DTX1: variants seen among roughly 807,000 people sequenced by gnomAD.
DTX1 encodes deltex E3 ubiquitin ligase 1, also known as E3 ubiquitin-protein ligase DTX1.
In DTX1, 26 loss-of-function variants were observed where a neutral mutation model predicts 57.8. The ratio of observed to expected loss-of-function variants is 0.45; its 90% CI spans 0.33 to 0.62. The LOEUF (loss-of-function observed/expected upper bound fraction) is 0.62, where lower values mean the gene tolerates loss of function less well. Ranked by LOEUF, DTX1 falls within the 20% of genes least tolerant of loss-of-function variation. The pLI, the probability that DTX1 is intolerant of heterozygous loss-of-function variation, is 0.02. For synonymous variants in DTX1, 398 were observed against 394.1 expected (o/e 1.01, Z -0.12); for missense variants, 704 against 895.3 (o/e 0.79, Z 2.73).
intron 3 of DTX1, among the ~76,000 whole-genome samples, chr12:113,079,179 G>A (rs1566017443): frequency 6.6e-6 from 1 of 152,094 alleles, no homozygotes; most frequent in Non-Finnish European, 1.5e-5. Flanking sequence ...GCAATGAGAG[G>A]AAAGATCAAA....
rs1592857068 is a variant in DTX1, at chr12:113,094,998, T to C, written c.1387-44T>C. Reference sequence around the variant, plus strand: ...GGAGTGGGCAGGGAACGGAGTGGGGTTTGGGGGGGTGCTGGGAACTCACTG... The same window carrying C: ...GGAGTGGGCAGGGAACGGAGTGGGGCTTGGGGGGGTGCTGGGAACTCACTG... On this transcript the variant is annotated intron_variant, in intron 7 of 9. Coordinates refer to ENST00000548759, the MANE Select transcript of DTX1 (RefSeq NM_004416.3). The C allele has an allele frequency of 5.0e-6, 8 of 1,604,098 alleles. No individual in the cohort carries two copies. The East Asian group carries it at 1.1e-4, about 22-fold the overall frequency.
chr12:113,057,961 G>C lies in DTX1; in HGVS notation c.-232G>C. 1.6e-6 allele frequency: 1 copy of C among 639,194 alleles called. No individual in the cohort carries two copies. Among genetic ancestry groups the C allele is most frequent in the Non-Finnish European group, 2.6e-6 (1 of 384,196 alleles). The allele number at this position is 639,194 out of a possible 1,614,324, so 39.6% of individuals were successfully genotyped here. A position where few individuals can be genotyped will look rare whatever the true frequency, so the allele number is the denominator to read the frequency against. ...AGAGAGACACTTGCTTTCCAGGGCA[G>C]CACCCTTTATCGGAGAAGGCTCTAC... On this transcript the variant is annotated 5_prime_UTR_variant, in exon 2 of 10. Transcript: ENST00000548759.
Position 113,097,101 on chromosome 12 carries a change from A to C in DTX1, c.*162A>C. ...GCCTGGTGGCAGCTGGGATGAAGAG[A>C]GATGGCATGTCAGGCTGGCCCCGAA... On this transcript the variant is annotated 3_prime_UTR_variant, in exon 10 of 10. Coordinates refer to ENST00000548759, the MANE Select transcript of DTX1 (RefSeq NM_004416.3). The C allele has an allele frequency of 1.3e-6, 1 of 753,142 alleles. No individual in the cohort carries two copies. Among genetic ancestry groups the C allele is most frequent in the Non-Finnish European group, 2.1e-6 (1 of 478,386 alleles). 46.7% of individuals were successfully genotyped at this position (753,142 alleles called of 1,614,324 possible).
intron 3 of DTX1, among the ~76,000 whole-genome samples, chr12:113,079,076 G>A (rs2044796211): frequency 6.6e-6 from 1 of 152,084 alleles, no homozygotes; most frequent in African/African-American, 2.4e-5. Flanking sequence ...GGTGTCCCAG[G>A]CCCCAGGATA....
chr12:113,095,530 A>C (rs1402844137), intron 9 of DTX1, 116 bp downstream of exon 9: 4 of 1,339,460 alleles, frequency 3.0e-6, no homozygotes, highest in East Asian at 2.4e-5. Flanking sequence ...TTCCTCCCAA[A>C]AGCAGCACCC....
intron 2 of DTX1, among the ~76,000 whole-genome samples, chr12:113,076,777 G>A (rs1415408298): frequency 1.3e-5 from 2 of 152,202 alleles, no homozygotes; most frequent in African/African-American, 4.8e-5. Flanking sequence ...AAATGAAATA[G>A]TGCTTAAATT....
chr12:113,079,610 T>G (rs1245767773), intron 3 of DTX1, among the ~76,000 whole-genome samples: 2 of 142,782 alleles, frequency 1.4e-5, no homozygotes, highest in East Asian at 4.5e-4. Context: ...TGACTGCAAC[T>G]TCTGCCTCCA....
chr12:113,076,110 C>T (rs1250589733), intron 2 of DTX1, among the ~76,000 whole-genome samples: 1 of 151,882 alleles, frequency 6.6e-6, no homozygotes, highest in Admixed American at 6.6e-5. Flanking sequence ...TGTCTGAATG[C>T]CTGAATACGG....
chr12:113,093,435 C>CA lies in DTX1; in HGVS notation c.1004-102dup. ...GCTGAGTGGGTGGGGCCCAAGAGCG[C>CA]AACCCTCCCACCCACCCGAGGGCCC... On this transcript the variant is annotated intron_variant, in intron 4 of 9. Transcript: ENST00000548759. This position sits in a 1 kb window ranked among gnomAD's most constrained non-coding sequence, Gnocchi z 4.2. 12 of 990,648 alleles carry CA rather than the reference C, an allele frequency of 1.2e-5. No homozygotes were observed. The highest frequency in any genetic ancestry group is 1.3e-5 in the Non-Finnish European group (9 of 687,198). The allele number at this position is 990,648 out of a possible 1,614,324, so 61.4% of individuals were successfully genotyped here.
chr12:113,065,388 G>A (rs1359330016), intron 2 of DTX1, among the ~76,000 whole-genome samples: 1 of 152,156 alleles, frequency 6.6e-6, no homozygotes, highest in Non-Finnish European at 1.5e-5. Context: ...GCCCTTCCCA[G>A]GCTCGCCCGG....
At position 113,093,436 on chromosome 12, in the gene DTX1, A is replaced by AC; in HGVS notation, c.1004-103_1004-102insC. The AC allele has an allele frequency of 9.1e-6, 8 of 876,260 alleles. No individual in the cohort carries two copies. The highest frequency in any genetic ancestry group is 1.4e-5 in the Non-Finnish European group (8 of 586,210). The allele number at this position is 876,260 out of a possible 1,614,324, so 54.3% of individuals were successfully genotyped here. On this transcript the variant is annotated intron_variant, in intron 4 of 9. Coordinates refer to ENST00000548759, the MANE Select transcript of DTX1 (RefSeq NM_004416.3). The surrounding 1 kb of genome is among the most constrained non-coding windows in gnomAD (Gnocchi z 4.2). ...CTGAGTGGGTGGGGCCCAAGAGCGC[A>AC]ACCCTCCCACCCACCCGAGGGCCCC...
At chr12:113,060,212 A>G (rs141866541) in intron 2 of DTX1, among the ~76,000 whole-genome samples, 183 of 152,296 alleles carry the variant, frequency 1.2e-3, no homozygotes, top group African/African-American at 4.1e-3. Context: ...CATGCATTCC[A>G]TCATATGATT....
At chr12:113,092,432 A>T (rs979083239) in intron 3 of DTX1, among the ~76,000 whole-genome samples, 1 of 152,016 alleles carries the variant, frequency 6.6e-6, no homozygotes, top group Non-Finnish European at 1.5e-5. Flanking sequence ...TTGAACTGAG[A>T]TATGAAAGCA....
intron 2 of DTX1, among the ~76,000 whole-genome samples, chr12:113,061,233 T>A (rs1228345569): frequency 2.0e-5 from 3 of 152,078 alleles, no homozygotes; most frequent in African/African-American, 7.2e-5. Flanking sequence ...CATTCCTAAA[T>A]GGACTCCTGG....
chr12:113,096,759 C>T lies in DTX1; in HGVS notation c.1683C>T (p.Phe561=). 6.2e-7 allele frequency: 1 copy of T among 1,613,748 alleles called. No homozygotes were observed. The highest frequency in any genetic ancestry group is 8.5e-7 in the Non-Finnish European group (1 of 1,180,010). ...CGGCCTGGGAGAGAAGACTCATCTT[C>T]ACTATCGGCACGTCCAACACCACGG... ...LITAWERRLI[F]TIGTSNTTGE... Residue 561 remains phenylalanine (F), a synonymous_variant, in exon 10 of 10, where the codon TTC becomes TTT. Coordinates refer to ENST00000548759, the MANE Select transcript of DTX1 (RefSeq NM_004416.3).
chr12:113,064,004 T>C (rs1261053851), intron 2 of DTX1, among the ~76,000 whole-genome samples: 1 of 152,212 alleles, frequency 6.6e-6, no homozygotes, highest in Admixed American at 6.5e-5. Context: ...TGACATTTAA[T>C]GCCAGGGCTG....
At position 113,077,395 on chromosome 12, in the gene DTX1, C is replaced by G. The variant is rs200317078; in HGVS notation, c.260-29C>G. ...GCCGCGCAGACCAACGCCCGCTGTG[C>G]TGACGCCTCCTCCCCATTTCGAGTA... is the stretch of plus-strand genomic sequence containing the variant. On this transcript the variant is annotated intron_variant, in intron 2 of 9. Transcript: ENST00000548759. This position sits in a 1 kb window ranked among gnomAD's most constrained non-coding sequence, Gnocchi z 7.8. The G allele has an allele frequency of 1.3e-6, 2 of 1,572,074 alleles. No individual in the cohort carries two copies. Among genetic ancestry groups the G allele is most frequent in the African/African-American group, 2.7e-5 (2 of 74,052 alleles).
In DTX1 at chr12:113,094,854, G is replaced by C. The variant is rs1189941028; in HGVS notation, c.1293G>C (p.Lys431Asn). 1.9e-6 allele frequency: 3 copies of C among 1,613,700 alleles called. No homozygotes were observed. The highest frequency in any genetic ancestry group is 2.5e-6 in the Non-Finnish European group (3 of 1,180,014). ...ASGYEGVLRH[K>N]GVRPELVGRL... ...GCTACGAGGGCGTGCTTCGGCACAA[G>C]GGCGTGCGGCCTGAGCTCGTGGGCC... The change falls in exon 7 of 10, where the codon AAG becomes AAC. Residue 431 changes from lysine to asparagine, a missense_variant. Coordinates refer to ENST00000548759, the MANE Select transcript of DTX1 (RefSeq NM_004416.3).
chr12:113,066,117 G>C (rs919047303), intron 2 of DTX1, among the ~76,000 whole-genome samples: 10 of 152,156 alleles, frequency 6.6e-5, no homozygotes, highest in African/African-American at 2.4e-4. Flanking sequence ...GCCCCTAGCT[G>C]CCTCTGGCTG....
Sources: gnomAD v4.1 joint callset for allele counts (sites outside exome capture counted in the v4.1 genomes callset) on GRCh38, gnomAD v4.1.1 for gene constraint, Gnocchi (gnomAD v3.1) non-coding constraint, MANE v1.5 for transcripts, NCBI Gene and HGNC (gene_info 2026-07-23, HGNC 2026-07-21) for gene names.